Variants in AREG observed in about 807,000 individuals in gnomAD.
AREG encodes the protein amphiregulin B.
AREG carries 16 observed loss-of-function variants against 28.0 expected under a neutral mutation model. The ratio of observed to expected loss-of-function variants is 0.57; its 90% CI spans 0.39 to 0.87. AREG has a LOEUF of 0.87. Ranked by LOEUF, AREG falls within the 40% of genes least tolerant of loss-of-function variation. AREG has a pLI of 0.00. For synonymous variants in AREG, 113 were observed against 113.5 expected (o/e 1.00, Z 0.02); for missense variants, 287 against 309.1 (o/e 0.93, Z 0.53).
At chr4:74,450,574 G>A (rs2291716) in intron 4 of AREG, 42 bp downstream of exon 4, 654,052 of 1,608,002 alleles carry the variant, frequency 0.41, 136,057 homozygotes, top group Non-Finnish European at 0.43. Flanking sequence ...AAAATAATGG[G>A]AGGTTAATTT....
At position 74,452,543 on chromosome 4, in the gene AREG, G is replaced by A; in HGVS notation, c.666-1G>A. ...ACATTAGAATGCCTTGTTCTCTGAA[G>A]GCTTAGAAGACAATACGTCAGGAAA... On this transcript the variant is annotated splice_acceptor_variant, in intron 4 of 5. Coordinates refer to ENST00000395748, the MANE Select transcript of AREG (RefSeq NM_001657.4). LOFTEE classifies it high-confidence loss of function. The A allele has an allele frequency of 9.9e-6, 16 of 1,613,402 alleles. No individual in the cohort carries two copies. The highest frequency in any genetic ancestry group is 1.3e-5 in the Non-Finnish European group (15 of 1,179,634).
At position 74,454,895 on chromosome 4, in the gene AREG, G is replaced by A. The variant is rs1409971571; in HGVS notation, c.*155G>A. On this transcript the variant is annotated 3_prime_UTR_variant, in exon 6 of 6. Transcript: ENST00000395748. ...AATTGTCACTTTTTATGCTATTTCT[G>A]TATATAAAGGTGCACGAAGGTAAAA... 1.5e-6 allele frequency: 1 copy of A among 688,612 alleles called. No individual in the cohort carries two copies. The highest frequency in any genetic ancestry group is 2.7e-5 in the East Asian group (1 of 36,970). The allele number at this position is 688,612 out of a possible 1,614,324, so 42.7% of individuals were successfully genotyped here.
chr4:74,450,373 C>T lies in AREG; in HGVS notation c.513-7C>T. The T allele has an allele frequency of 6.2e-7, 1 of 1,613,864 alleles. No homozygotes were observed. Among genetic ancestry groups the T allele is most frequent in the Non-Finnish European group, 8.5e-7 (1 of 1,179,828 alleles). On this transcript the variant is annotated splice_polypyrimidine_tract_variant and splice_region_variant and intron_variant, in intron 3 of 5. Transcript: ENST00000395748. ...GATTATAATTTTTAAATGTGAATTG[C>T]TTGCAGATGTCAGCAAGAATATTTC...
At position 74,450,502 on chromosome 4, in the gene AREG, T is replaced by C. The variant is rs903884795; in HGVS notation, c.635T>C (p.Ile212Thr). 2.5e-6 allele frequency: 4 copies of C among 1,613,950 alleles called. No homozygotes were observed. The highest frequency in any genetic ancestry group is 3.4e-6 in the Non-Finnish European group (4 of 1,179,844). The change falls in exon 4 of 6, where the codon ATC becomes ACC. Residue 212 changes from isoleucine (I) to threonine (T), a missense_variant. By Grantham distance (89) the Ile-to-Thr change is moderately conservative. Coordinates refer to ENST00000395748, the MANE Select transcript of AREG (RefSeq NM_001657.4). ...ATAGCTGCCTTTATGTCTGCTGTGATCCTCACAGCTGTTGCTGTTATTACA... is the reference window on the plus strand; with the variant it reads ...ATAGCTGCCTTTATGTCTGCTGTGACCCTCACAGCTGTTGCTGTTATTACA... ...AAIAAFMSAVILTAVAVITVQ... is the reference protein window; with the variant it reads ...AAIAAFMSAVTLTAVAVITVQ...
At chr4:74,454,592 G>T (rs1719429041) in intron 5 of AREG, among the ~76,000 whole-genome samples, 167 bp from the exon 6 acceptor site, 1 of 152,174 alleles carries the variant, frequency 6.6e-6, no homozygotes, top group South Asian at 2.1e-4. Context: ...AGTAAGAGTT[G>T]GTCTCTGAAA....
chr4:74,452,255 A>G (rs1719392509), intron 4 of AREG, among the ~76,000 whole-genome samples: 1 of 152,186 alleles, frequency 6.6e-6, no homozygotes, highest in African/African-American at 2.4e-5. Flanking sequence ...CAGCTGTACT[A>G]AGTTCTGCAA....
In AREG at chr4:74,446,038, AT is replaced by A. The variant is rs539985072; in HGVS notation, c.62-495del. 5.3e-4 allele frequency among the ~76,000 whole-genome samples: 79 copies of A among 149,264 alleles called. No individual in the cohort carries two copies. The South Asian group carries it at 6.0e-3, about 11-fold the overall frequency. Reference sequence around the variant, plus strand: ...TATTTTAAAAGATTATCTTTTAAAAATATCTTTTAAAAATATGAACACATCT... The same window carrying A: ...TATTTTAAAAGATTATCTTTTAAAAAATCTTTTAAAAATATGAACACATCT... On this transcript the variant is annotated intron_variant, in intron 1 of 5. Coordinates refer to ENST00000395748, the MANE Select transcript of AREG (RefSeq NM_001657.4).
intron 3 of AREG, among the ~76,000 whole-genome samples, chr4:74,449,595 A>G (rs1253277764): frequency 2.0e-5 from 3 of 152,180 alleles, no homozygotes; most frequent in East Asian, 1.9e-4. Flanking sequence ...AAAAAATACA[A>G]AAAAGTTTAG....
chr4:74,453,374 T>C (rs1719411233), intron 5 of AREG, among the ~76,000 whole-genome samples: 3 of 152,224 alleles, frequency 2.0e-5, no homozygotes. Context: ...AAAACTTATA[T>C]TTTCTTGTAA....
rs950759914 is a variant in AREG, at chr4:74,449,359, T to G, written c.512+111T>G. ...ATGTATAAACCAAGGGTCAGTAAAC[T>G]TTTTGTTAAAGCACCAGATAGTAAA... On this transcript the variant is annotated intron_variant, in intron 3 of 5. Coordinates refer to ENST00000395748, the MANE Select transcript of AREG (RefSeq NM_001657.4). The G allele has an allele frequency of 4.8e-5, 74 of 1,552,582 alleles. No individual in the cohort carries two copies. In the African/African-American group the frequency reaches 9.8e-4, roughly 20 times the overall value.
chr4:74,451,640 T>TA (rs1578845306), intron 4 of AREG, among the ~76,000 whole-genome samples: 1 of 152,330 alleles, frequency 6.6e-6, no homozygotes, highest in East Asian at 1.9e-4. Flanking sequence ...TCAAGGCAGA[T>TA]ATGCAAAGGT....
At chr4:74,449,633 C>A (rs1331035830) in intron 3 of AREG, among the ~76,000 whole-genome samples, 1 of 152,124 alleles carries the variant, frequency 6.6e-6, no homozygotes, top group Non-Finnish European at 1.5e-5. Flanking sequence ...AGCCTGTAGT[C>A]CCAGCAGTCT....
intron 3 of AREG, among the ~76,000 whole-genome samples, chr4:74,449,552 C>A (rs1298720531): frequency 6.6e-6 from 1 of 152,154 alleles, no homozygotes; most frequent in Non-Finnish European, 1.5e-5. Flanking sequence ...TTGAGACCAG[C>A]CTGGGCAACA....
In AREG at chr4:74,449,031, A is replaced by T; in HGVS notation, c.311-16A>T. On this transcript the variant is annotated splice_polypyrimidine_tract_variant and intron_variant, in intron 2 of 5. Transcript: ENST00000395748. The stretch of plus-strand genomic sequence containing the variant: ...AAGTTTGAGAGACTCTTGTCAATAA[A>T]TCTTTTCTTTTTTAGTTGAACAGGT... 1 of 1,607,384 alleles carries T rather than the reference A, an allele frequency of 6.2e-7. No individual in the cohort carries two copies.
intron 3 of AREG, among the ~76,000 whole-genome samples, chr4:74,449,510 C>A (rs1719346445): frequency 6.6e-6 from 1 of 152,152 alleles, no homozygotes; most frequent in South Asian, 2.1e-4. Flanking sequence ...CTTTGGGGGG[C>A]CGAGGTGGGC....
At chr4:74,447,115 A>C (rs1719305730) in intron 2 of AREG, among the ~76,000 whole-genome samples, 1 of 152,238 alleles carries the variant, frequency 6.6e-6, no homozygotes, top group Admixed American at 6.5e-5. Flanking sequence ...AGCTAGAATT[A>C]GAGCTCCAGT....
In AREG at chr4:74,445,308, T is replaced by TGCCCCAGAGACCGAGAC. The variant is rs1719251107; in HGVS notation, c.-34_-18dup. 2.5e-6 allele frequency: 4 copies of TGCCCCAGAGACCGAGAC among 1,601,462 alleles called. No homozygotes were observed. The Admixed American group carries it at 5.1e-5, about 21-fold the overall frequency. Reference sequence around the variant, plus strand: ...GCAGCTCGTGTCCCAGAGACCGAGTTGCCCCAGAGACCGAGACGCCGCCGC... The same window carrying TGCCCCAGAGACCGAGAC: ...GCAGCTCGTGTCCCAGAGACCGAGTTGCCCCAGAGACCGAGACGCCCCAGAGACCGAGACGCCGCCGC... On this transcript the variant is annotated 5_prime_UTR_variant, in exon 1 of 6. Coordinates refer to ENST00000395748, the MANE Select transcript of AREG (RefSeq NM_001657.4).
intron 2 of AREG, 54 bp downstream of exon 2, chr4:74,446,836 C>A (rs1423162424): frequency 1.2e-6 from 2 of 1,613,432 alleles, no homozygotes; most frequent in Non-Finnish European, 8.5e-7. Flanking sequence ...TTTATATGAG[C>A]AAAGCTGCTT....
intron 1 of AREG, 119 bp from the exon 2 acceptor site, chr4:74,446,415 A>G (rs1719286999): frequency 1.3e-6 from 2 of 1,571,910 alleles, no homozygotes; most frequent in Admixed American, 1.7e-5. Context: ...ATCACAAACA[A>G]TAGCACATGT....
Sources: allele counts gnomAD v4.1 joint callset (sites outside exome capture counted in the v4.1 genomes callset), GRCh38; gene constraint gnomAD v4.1.1; transcripts MANE v1.5; gene names NCBI Gene and HGNC (gene_info 2026-07-23, HGNC 2026-07-21).